SLCO1A2: variants seen among roughly 807,000 people sequenced by gnomAD.
The protein encoded by SLCO1A2 is OATP-1.
Under a neutral mutation model 69.0 loss-of-function variants are expected in SLCO1A2, and 67 were observed. That is an observed-to-expected ratio of 0.97 (90% confidence interval 0.80 to 1.19). SLCO1A2 has a LOEUF of 1.19. SLCO1A2 is among the 50% of genes most tolerant of loss of function. The pLI is 0.00. For synonymous variants in SLCO1A2, 260 were observed against 265.9 expected, an observed-to-expected ratio of 0.98 and a Z score of 0.22; for missense variants, 787 against 793.7, an observed-to-expected ratio of 0.99 and a Z score of 0.10.
At chr12:21,388,454 G>A (rs956857043) in intron 1 of SLCO1A2, among the ~76,000 whole-genome samples, 1 of 152,126 alleles carries the variant, frequency 6.6e-6, no homozygotes, top group Admixed American at 6.5e-5. Flanking sequence ...CACAAGATCT[G>A]ATGATTGTAT....
chr12:21,274,635 T>C (rs775247157), intron 13 of SLCO1A2, 49 bp from the exon 14 acceptor site: 17 of 1,178,020 alleles, frequency 1.4e-5, no homozygotes, highest in African/African-American at 3.0e-5. Flanking sequence ...TTAAGATACT[T>C]GATTTATTTG....
In SLCO1A2 at chr12:21,266,152, G is replaced by C. The variant is rs898196761; in HGVS notation, c.*3396C>G. 1 of 152,084 alleles carries C rather than the reference G, an allele frequency of 6.6e-6. No individual in the cohort carries two copies. The highest frequency in any genetic ancestry group is 1.5e-5 in the Non-Finnish European group (1 of 68,010). 9.4% of individuals were successfully genotyped at this position (152,084 alleles called of 1,614,324 possible). A position where few individuals can be genotyped will look rare whatever the true frequency, so the allele number is the denominator to read the frequency against. On this transcript the variant is annotated 3_prime_UTR_variant, in exon 15 of 15. Coordinates refer to ENST00000683939, the MANE Select transcript of SLCO1A2 (RefSeq NM_001386879.1). ...GAATCAGCCAGTATCTGATCTAACA[G>C]CTCTGGTTACATAACATTCTGGTTA...
Position 21,294,336 on chromosome 12 carries a change from G to A in SLCO1A2, c.1272-226C>T, listed in dbSNP as rs1947383592. On this transcript the variant is annotated intron_variant, in intron 10 of 14. Coordinates refer to ENST00000683939, the MANE Select transcript of SLCO1A2 (RefSeq NM_001386879.1). ...ATGATTTATCTCAGAAGAATATATA[G>A]GCAATAAACAAGCATTAATTGAGCA... 8.8e-6 allele frequency: 3 copies of A among 339,946 alleles called. No individual in the cohort carries two copies. In the Admixed American group the frequency reaches 1.4e-4, roughly 16 times the overall value. 21.1% of individuals were successfully genotyped at this position (339,946 alleles called of 1,614,324 possible).
At chr12:21,306,854 C>CAA in intron 5 of SLCO1A2, 28 bp downstream of exon 5, 1 of 1,542,494 alleles carries the variant, frequency 6.5e-7, no homozygotes, top group South Asian at 1.1e-5. Context: ...GTTCGCTGAA[C>CAA]AAAAATCAAT....
Position 21,269,463 on chromosome 12 carries a change from A to G in SLCO1A2, c.*85T>C. ...AGGTTCTTAAAGACAAGAAAAAGTT[A>G]TCTATTATATCTCTACTGATTTTTA... On this transcript the variant is annotated 3_prime_UTR_variant, in exon 15 of 15. Transcript: ENST00000683939. 5 of 937,772 alleles carry G rather than the reference A, an allele frequency of 5.3e-6. No homozygotes were observed. The allele number at this position is 937,772 out of a possible 1,614,324, so 58.1% of individuals were successfully genotyped here.
chr12:21,416,855 A>G (rs1326693837), intron 1 of SLCO1A2, among the ~76,000 whole-genome samples: 1 of 152,210 alleles, frequency 6.6e-6, no homozygotes, highest in African/African-American at 2.4e-5. Flanking sequence ...GAATGAAAAG[A>G]AATTACTGTG....
In SLCO1A2 at chr12:21,265,501, TAAC is replaced by T. The variant is rs1941978837; in HGVS notation, c.*4044_*4046del. ...AGGAGCCCTCTGCACAGGACTGTGT[TAAC>T]AAATCATCTGCCCTTGATGCTCAAG... is the stretch of plus-strand genomic sequence containing the variant. On this transcript the variant is annotated 3_prime_UTR_variant, in exon 15 of 15. Coordinates refer to ENST00000683939, the MANE Select transcript of SLCO1A2 (RefSeq NM_001386879.1). The T allele has an allele frequency of 6.6e-6, 1 of 152,244 alleles. No individual in the cohort carries two copies. The highest frequency in any genetic ancestry group is 1.5e-5 in the Non-Finnish European group (1 of 68,074). The allele number at this position is 152,244 out of a possible 1,614,324, so 9.4% of individuals were successfully genotyped here.
intron 1 of SLCO1A2, among the ~76,000 whole-genome samples, chr12:21,384,937 T>C (rs1318913549): frequency 6.6e-6 from 1 of 152,020 alleles, no homozygotes; most frequent in Non-Finnish European, 1.5e-5. Context: ...AGCTAATTTT[T>C]TGTATTTTTA....
intron 12 of SLCO1A2, among the ~76,000 whole-genome samples, chr12:21,289,221 T>C (rs1005391444): frequency 6.6e-6 from 1 of 150,980 alleles, no homozygotes; most frequent in African/African-American, 2.5e-5. Context: ...TGTGTGTGTG[T>C]GTGTATGGCA....
intron 10 of SLCO1A2, 175 bp from the exon 11 acceptor site, chr12:21,294,285 T>G (rs1947374978): frequency 2.1e-6 from 1 of 470,920 alleles, no homozygotes; most frequent in Admixed American, 4.1e-5. Context: ...GAGACCTGCT[T>G]TGATGACCAC....
intron 6 of SLCO1A2, among the ~76,000 whole-genome samples, chr12:21,304,152 G>A (rs1270986621): frequency 2.0e-5 from 3 of 152,168 alleles, no homozygotes; most frequent in South Asian, 4.1e-4. Flanking sequence ...TTAACAGATT[G>A]GATGTAGTGT....
intron 10 of SLCO1A2, chr12:21,295,270 A>G (rs1189466771): frequency 4.8e-6 from 1 of 207,736 alleles, no homozygotes; most frequent in Non-Finnish European, 9.6e-6. Context: ...TATATGGATA[A>G]CATATTTTAA....
At chr12:21,270,961 A>C (rs921425848) in intron 14 of SLCO1A2, among the ~76,000 whole-genome samples, 2 of 151,550 alleles carry the variant, frequency 1.3e-5, no homozygotes, top group Non-Finnish European at 3.0e-5. Context: ...CTATTTATTA[A>C]TTTCTTCATC....
At chr12:21,367,571 C>T (rs1185973805) in intron 2 of SLCO1A2, among the ~76,000 whole-genome samples, 4 of 151,458 alleles carry the variant, frequency 2.6e-5, no homozygotes, top group Non-Finnish European at 5.9e-5. Context: ...AATTTGCAAG[C>T]CTAAAACTGA....
intron 2 of SLCO1A2, among the ~76,000 whole-genome samples, chr12:21,363,444 G>A (rs528125831): frequency 1.3e-5 from 2 of 152,282 alleles, no homozygotes; most frequent in South Asian, 2.1e-4. Context: ...GACAAAGCAG[G>A]AGAGATCTTA....
rs539547273 is a variant in SLCO1A2 at position 21,322,493 on chromosome 12, T to C, written c.61-3570A>G. 7.2e-5 allele frequency among the ~76,000 whole-genome samples: 11 copies of C among 152,196 alleles called. No homozygotes were observed. The South Asian group carries it at 1.2e-3, about 17-fold the overall frequency. ...ACCCGAAGCAGGGGGTTCCCAGTCA[T>C]AGGTAGTTTTAAAGTTTTAAAATGT... On this transcript the variant is annotated intron_variant, in intron 2 of 14. Transcript: ENST00000683939.
intron 1 of SLCO1A2, among the ~76,000 whole-genome samples, chr12:21,381,811 A>G (rs1940604777): frequency 6.6e-6 from 1 of 152,226 alleles, no homozygotes. Context: ...AAAAAAAAGA[A>G]AAAAGTAGAA....
intron 1 of SLCO1A2, among the ~76,000 whole-genome samples, chr12:21,416,721 G>GCCC (rs2137212927): frequency 1.3e-5 from 2 of 152,038 alleles, no homozygotes; most frequent in South Asian, 4.2e-4. Context: ...TGAACAAAGG[G>GCCC]CCCCACATTT....
intron 9 of SLCO1A2, among the ~76,000 whole-genome samples, 171 bp from the exon 10 acceptor site, chr12:21,295,963 T>G (rs983233233): frequency 7.9e-5 from 12 of 152,206 alleles, no homozygotes; most frequent in Non-Finnish European, 1.3e-4. Flanking sequence ...CAGGGAGATT[T>G]TGAAATGCCC....
Sources: allele counts gnomAD v4.1 joint callset (sites outside exome capture counted in the v4.1 genomes callset), GRCh38; gene constraint gnomAD v4.1.1; transcripts MANE v1.5; gene names NCBI Gene and HGNC (gene_info 2026-07-23, HGNC 2026-07-21).